The following ZNF362 variants were observed in gnomAD, a reference collection of about 807,000 sequenced individuals.
The protein encoded by ZNF362 is zinc finger protein 362, also known as rotund homolog.
In ZNF362, 11 loss-of-function variants were observed where a neutral mutation model predicts 42.9. The ratio of observed to expected loss-of-function variants is 0.26; its 90% CI spans 0.16 to 0.42. The LOEUF (loss-of-function observed/expected upper bound fraction) is 0.42. ZNF362 is among the 20% of genes least tolerant of loss of function. ZNF362 has a pLI of 1.00. For missense variants in ZNF362, 362 were observed against 576.2 expected (o/e 0.63, Z 3.81); for synonymous variants, 255 against 257.3 (o/e 0.99, Z 0.09).
chr1:33,205,350 T>A, the ZNF362 span, among the ~76,000 whole-genome samples: 1 of 151,934 alleles, frequency 6.6e-6, no homozygotes, highest in Non-Finnish European at 1.5e-5. Flanking sequence ...CCAGGCATGG[T>A]GGTGCACGCC....
chr1:33,217,759 T>G, the ZNF362 span, among the ~76,000 whole-genome samples: 1 of 148,884 alleles, frequency 6.7e-6, no homozygotes, highest in Non-Finnish European at 1.5e-5. Flanking sequence ...GGTAACAGTC[T>G]TCCAAGATAA....
At chr1:33,259,168 T>C (rs1489633087) in intron 1 of ZNF362, among the ~76,000 whole-genome samples, 1 of 152,214 alleles carries the variant, frequency 6.6e-6, no homozygotes. Context: ...CCTGATCTCC[T>C]GCCTCCCTTC....
chr1:33,296,404 C>T lies in ZNF362; in HGVS notation c.1146+1099C>T, dbSNP rs182469822. ...GGACAGCATGGCCCTGAAGCTCTGT[C>T]CCTCTGTGTCCTCCCTGGGAGCTCC... On this transcript the variant is annotated intron_variant, in intron 8 of 8. Transcript: ENST00000539719. Among the ~76,000 whole-genome samples the T allele has an allele frequency of 3.4e-3, 513 of 152,190 alleles. 2 individuals are homozygous for T. Among genetic ancestry groups the T allele is most frequent in the African/African-American group, 0.012 (481 of 41,560 alleles).
chr1:33,281,980 G>T lies in ZNF362; in HGVS notation c.908+169G>T. On this transcript the variant is annotated intron_variant, in intron 6 of 8. Coordinates refer to ENST00000539719, the MANE Select transcript of ZNF362 (RefSeq NM_152493.3). This position sits in a 1 kb window ranked among gnomAD's most constrained non-coding sequence, Gnocchi z 4.8. ...GCCTCAGCTGTTGTTACTGCACCCC[G>T]TCCCCACTGTTTCTCATCTCTAGGT... The T allele has an allele frequency of 1.7e-5, 11 of 633,732 alleles. No homozygotes were observed. The highest frequency in any genetic ancestry group is 5.5e-6 in the Non-Finnish European group (2 of 362,988). 39.3% of individuals were successfully genotyped at this position (633,732 alleles called of 1,614,324 possible).
chr1:33,169,180 C>T, the ZNF362 span, among the ~76,000 whole-genome samples: 1 of 152,166 alleles, frequency 6.6e-6, no homozygotes, highest in Non-Finnish European at 1.5e-5. Flanking sequence ...GACACAGACA[C>T]TTACATCATG....
chr1:33,184,823 C>T, the ZNF362 span, among the ~76,000 whole-genome samples: 109 of 152,292 alleles, frequency 7.2e-4, 1 homozygote, highest in African/African-American at 2.5e-3. Context: ...CTCTGTCACC[C>T]TGGCTGGAGC....
At chr1:33,147,077 C>G in the ZNF362 span, 1 of 1,379,452 alleles carries the variant, frequency 7.2e-7, no homozygotes. This position sits in a 1 kb window ranked among gnomAD's most constrained non-coding sequence, Gnocchi z 8.1. Context: ...CTGAGGTCTC[C>G]AGTGGCCACG....
intron 1 of ZNF362, among the ~76,000 whole-genome samples, chr1:33,269,101 C>A (rs1164844510): frequency 1.3e-5 from 2 of 152,082 alleles, no homozygotes; most frequent in African/African-American, 4.8e-5. Flanking sequence ...CTTCCTGACA[C>A]CCACCCTCCA....
At chr1:33,180,903 C>T in the ZNF362 span, 1 of 412,832 alleles carries the variant, frequency 2.4e-6, no homozygotes, top group Non-Finnish European at 3.6e-6. Flanking sequence ...ACCTTGCTGG[C>T]GGCCCCGCCC....
rs1645996103 is a variant in ZNF362 at position 33,281,707 on chromosome 1, C to T, written c.804C>T (p.Ser268=). The T allele has an allele frequency of 2.5e-6, 4 of 1,614,236 alleles. No homozygotes were observed. Among genetic ancestry groups the T allele is most frequent in the Non-Finnish European group, 3.4e-6 (4 of 1,180,024 alleles). Residue 268 remains serine, a synonymous_variant, in exon 6 of 9, where the codon TCC becomes TCT. Transcript: ENST00000539719. This position sits in a 1 kb window ranked among gnomAD's most constrained non-coding sequence, Gnocchi z 4.8. ...GCTCCAAGTCCTTTGCCAACGCCTC[C>T]TACCTGGCCCAGCACCTGCGCATCC... The part of the protein sequence containing the change: ...PHCSKSFANA[S]YLAQHLRIHL...
the ZNF362 span, among the ~76,000 whole-genome samples, chr1:33,216,549 G>A: frequency 1.6e-5 from 2 of 122,830 alleles, no homozygotes; most frequent in African/African-American, 3.0e-5. Flanking sequence ...GCAGTGAGCC[G>A]AGATTGTGCC....
intron 1 of ZNF362, among the ~76,000 whole-genome samples, chr1:33,259,546 G>T (rs1207930492): frequency 6.6e-6 from 1 of 150,992 alleles, no homozygotes; most frequent in Non-Finnish European, 1.5e-5. Context: ...TCATTCATTT[G>T]TTGCCAGATC....
intron 2 of ZNF362, chr1:33,274,965 T>G (rs1645932724): frequency 1.0e-6 from 1 of 985,174 alleles, no homozygotes; most frequent in South Asian, 4.7e-5. Flanking sequence ...TTATTGAGGG[T>G]TTTCTCCCGA....
the ZNF362 span, among the ~76,000 whole-genome samples, chr1:33,155,906 T>A: frequency 6.6e-6 from 1 of 152,224 alleles, no homozygotes; most frequent in Non-Finnish European, 1.5e-5. Flanking sequence ...TTCTTCTCTA[T>A]CTGCAAACCT....
chr1:33,234,288 C>T, the ZNF362 span, among the ~76,000 whole-genome samples: 1 of 152,198 alleles, frequency 6.6e-6, no homozygotes, highest in Admixed American at 6.5e-5. Context: ...TAAACTAACA[C>T]CTGCCATGAA....
Position 33,299,046 on chromosome 1 carries a change from AGCCCACTGGAGGCGCCGCCCCACCCG to A in ZNF362, c.*10_*35del. 6.2e-7 allele frequency: 1 copy of A among 1,606,248 alleles called. No individual in the cohort carries two copies. The highest frequency in any genetic ancestry group is 1.3e-5 in the African/African-American group (1 of 75,052). ...TCCCGGTGCGAATCTCTCTCATCTG[AGCCCACTGGAGGCGCCGCCCCACCCG>A]GCCCACTGGCAGACACAGACCCAGG... On this transcript the variant is annotated 3_prime_UTR_variant, in exon 9 of 9. Transcript: ENST00000539719.
the ZNF362 span, among the ~76,000 whole-genome samples, chr1:33,241,930 C>G: frequency 2.6e-5 from 4 of 152,156 alleles, no homozygotes; most frequent in Admixed American, 1.3e-4. Context: ...ACCCCAAAAC[C>G]AAGCAAGTTA....
chr1:33,217,217 C>T, the ZNF362 span, among the ~76,000 whole-genome samples: 38 of 152,308 alleles, frequency 2.5e-4, no homozygotes, highest in African/African-American at 8.4e-4. Flanking sequence ...TGCTGCCTAA[C>T]CTGATCTAAC....
chr1:33,196,392 A>G, the ZNF362 span, among the ~76,000 whole-genome samples: 10 of 151,896 alleles, frequency 6.6e-5, no homozygotes, highest in Admixed American at 6.5e-5. Context: ...AAACAAACAA[A>G]CAAGCAAACA....
Sources: gnomAD v4.1 joint callset for allele counts (sites outside exome capture counted in the v4.1 genomes callset) on GRCh38, gnomAD v4.1.1 for gene constraint, Gnocchi (gnomAD v3.1) non-coding constraint, MANE v1.5 for transcripts, NCBI Gene and HGNC (gene_info 2026-07-23, HGNC 2026-07-21) for gene names.